CSMD1: variants seen among roughly 807,000 people sequenced by gnomAD.
CSMD1 encodes CUB and sushi domain-containing protein 1.
A neutral mutation model predicts 417.5 loss-of-function variants in CSMD1; 213 were observed. The ratio of observed to expected loss-of-function variants is 0.51; its 90% confidence interval spans 0.46 to 0.57. The LOEUF is 0.57. CSMD1 is among the 20% of genes least tolerant of loss of function. CSMD1 has a pLI of 0.00. For synonymous variants in CSMD1, 2,862 were observed against 1,736.8 expected (o/e 1.65, Z -16.11); for missense variants, 6,923 against 4,529.7 (o/e 1.53, Z -15.17).
At chr8:3,468,342 T>A (rs1375743738) in intron 12 of CSMD1, among the ~76,000 whole-genome samples, 6 of 152,216 alleles carry the variant, frequency 3.9e-5, no homozygotes, top group Admixed American at 2.6e-4. Flanking sequence ...GTAAGTATTT[T>A]CAGATTCACT....
chr8:4,163,332 C>G (rs1043301745), intron 3 of CSMD1, among the ~76,000 whole-genome samples: 1 of 152,140 alleles, frequency 6.6e-6, no homozygotes, highest in Non-Finnish European at 1.5e-5. Context: ...AGTGGCTGTT[C>G]CATTTCGCAT....
chr8:3,650,658 G>A (rs768569577), intron 7 of CSMD1, among the ~76,000 whole-genome samples: 12 of 152,134 alleles, frequency 7.9e-5, no homozygotes, highest in East Asian at 3.9e-4. Context: ...CTACCATCAC[G>A]CTATGAGAAC....
rs1554525004 is a variant in CSMD1 at position 3,733,205 on chromosome 8, A to ACACACACACACACACT, written c.931+20724_931+20725insAGTGTGTGTGTGTGTG. ...CACACACACACACACACACACACAC[A>ACACACACACACACACT]CTCTCTCTCTCTCATACATACACAT... On this transcript the variant is annotated intron_variant, in intron 6 of 69. Coordinates refer to ENST00000635120, the MANE Select transcript of CSMD1 (RefSeq NM_033225.6). Among the ~76,000 whole-genome samples the ACACACACACACACACT allele has an allele frequency of 3.6e-4, 31 of 87,094 alleles. No individual in the cohort carries two copies. In the East Asian group the frequency reaches 7.9e-3, roughly 22 times the overall value. The allele number at this position is 87,094 out of a possible 152,430, so 57.1% of individuals were successfully genotyped here. A position where few individuals can be genotyped will look rare whatever the true frequency, so the allele number is the denominator to read the frequency against.
intron 5 of CSMD1, among the ~76,000 whole-genome samples, chr8:3,815,196 T>C (rs575112757): frequency 2.0e-5 from 3 of 152,314 alleles, no homozygotes; most frequent in South Asian, 4.1e-4. Flanking sequence ...GTCAACATAG[T>C]TTCTTTCTTT....
At chr8:3,145,081 G>C (rs1818764080) in intron 40 of CSMD1, among the ~76,000 whole-genome samples, 1 of 150,718 alleles carries the variant, frequency 6.6e-6, no homozygotes, top group African/African-American at 2.4e-5. Flanking sequence ...TTGTGTGTCT[G>C]TGTGCACGTG....
chr8:4,943,478 A>G (rs1808159071), intron 1 of CSMD1, among the ~76,000 whole-genome samples: 1 of 147,936 alleles, frequency 6.8e-6, no homozygotes, highest in African/African-American at 2.5e-5. Flanking sequence ...CTTGGGGGAC[A>G]GAGTGAGACA....
At chr8:4,526,891 A>G (rs1268266232) in intron 2 of CSMD1, among the ~76,000 whole-genome samples, 1 of 152,094 alleles carries the variant, frequency 6.6e-6, no homozygotes, top group African/African-American at 2.4e-5. Context: ...CCAGAAGACT[A>G]TTGTGAATGA....
intron 11 of CSMD1, among the ~76,000 whole-genome samples, chr8:3,491,434 A>G (rs1480600530): frequency 6.6e-6 from 1 of 152,230 alleles, no homozygotes; most frequent in Non-Finnish European, 1.5e-5. Context: ...GGTGCGTAAA[A>G]GATACATAAA....
chr8:4,823,351 C>T (rs1193363830), intron 1 of CSMD1, among the ~76,000 whole-genome samples: 2 of 151,942 alleles, frequency 1.3e-5, no homozygotes, highest in Non-Finnish European at 2.9e-5. Context: ...ATTACAATTA[C>T]AATTACACTC....
chr8:3,941,806 G>C (rs1015634272), intron 5 of CSMD1, among the ~76,000 whole-genome samples: 15 of 152,084 alleles, frequency 9.9e-5, no homozygotes, highest in African/African-American at 3.6e-4. Context: ...TCCCTCATAC[G>C]CAAGGAAAAA....
At chr8:4,275,598 T>C (rs975373983) in intron 3 of CSMD1, among the ~76,000 whole-genome samples, 1 of 152,180 alleles carries the variant, frequency 6.6e-6, no homozygotes, top group Non-Finnish European at 1.5e-5. Context: ...GGTAATATTG[T>C]AATTTTTAAC....
chr8:3,988,404 T>A (rs1337697748), intron 5 of CSMD1, among the ~76,000 whole-genome samples: 1 of 152,214 alleles, frequency 6.6e-6, no homozygotes, highest in African/African-American at 2.4e-5. Context: ...GATAATTAGT[T>A]ATGGTTTTAG....
intron 12 of CSMD1, 96 bp downstream of exon 12, chr8:3,468,616 C>G (rs1266603077): frequency 1.5e-6 from 1 of 673,212 alleles, no homozygotes; most frequent in Non-Finnish European, 2.5e-6. Context: ...CATTGTTTGA[C>G]TTGTTGATTT....
At chr8:3,571,042 C>T (rs1799921463) in intron 10 of CSMD1, among the ~76,000 whole-genome samples, 1 of 152,176 alleles carries the variant, frequency 6.6e-6, no homozygotes, top group African/African-American at 2.4e-5. Flanking sequence ...AAAGTGGAAA[C>T]TGTGGGTATT....
At chr8:4,572,896 G>A (rs376385474) in intron 2 of CSMD1, among the ~76,000 whole-genome samples, 17 of 151,600 alleles carry the variant, frequency 1.1e-4, no homozygotes, top group African/African-American at 1.9e-4. Flanking sequence ...CCTTTCTTCC[G>A]CTTGATCAAT....
intron 1 of CSMD1, among the ~76,000 whole-genome samples, chr8:4,770,292 A>C (rs1007463737): frequency 6.7e-5 from 10 of 148,204 alleles, no homozygotes; most frequent in African/African-American, 2.4e-4. Flanking sequence ...GTGTATGGGA[A>C]TATATATTAT....
rs116499888 is a variant in CSMD1 at position 4,116,700 on chromosome 8, A to C, written c.416-84601T>G. Among the ~76,000 whole-genome samples the C allele has an allele frequency of 2.6e-3, 392 of 151,362 alleles. 4 individuals carry two copies. Among genetic ancestry groups the C allele is most frequent in the African/African-American group, 9.3e-3 (379 of 40,806 alleles). ...GAGTGCAGGTGCCTGGATGGAACAAACGCGCCATGCAGCAGGGCAGGTGTT... is the reference window on the plus strand; with the variant it reads ...GAGTGCAGGTGCCTGGATGGAACAACCGCGCCATGCAGCAGGGCAGGTGTT... On this transcript the variant is annotated intron_variant, in intron 3 of 69. Coordinates refer to ENST00000635120, the MANE Select transcript of CSMD1 (RefSeq NM_033225.6).
chr8:3,694,575 G>C (rs768718611), intron 7 of CSMD1, among the ~76,000 whole-genome samples: 3 of 151,978 alleles, frequency 2.0e-5, no homozygotes, highest in Non-Finnish European at 4.4e-5. Context: ...CCAGGCCCGA[G>C]ACTCCCCACC....
At chr8:4,471,160 C>T (rs1471536842) in intron 2 of CSMD1, among the ~76,000 whole-genome samples, 1 of 151,978 alleles carries the variant, frequency 6.6e-6, no homozygotes, top group Non-Finnish European at 1.5e-5. Context: ...TATCACATGC[C>T]AGGCCTTACT....
Sources: allele counts gnomAD v4.1 joint callset (sites outside exome capture counted in the v4.1 genomes callset), GRCh38; gene constraint gnomAD v4.1.1; transcripts MANE v1.5; gene names NCBI Gene and HGNC (gene_info 2026-07-23, HGNC 2026-07-21).